TENM2: variants seen among roughly 807,000 people sequenced by gnomAD.
TENM2 encodes teneurin transmembrane protein 2.
A neutral mutation model predicts 245.2 loss-of-function variants in TENM2; 52 were observed. The observed-to-expected ratio is 0.21, with a 90% CI of 0.17 to 0.27. TENM2 has a LOEUF of 0.27. TENM2 is among the 10% of genes least tolerant of loss of function. The pLI is 1.00. For missense variants in TENM2, 3,046 were observed against 3,666.8 expected (o/e 0.83, Z 4.37); for synonymous variants, 1,363 against 1,438.9 (o/e 0.95, Z 1.19).
intron 9 of TENM2, among the ~76,000 whole-genome samples, chr5:168,115,657 G>A (rs904020696): frequency 1.5e-4 from 23 of 152,230 alleles, no homozygotes; most frequent in Non-Finnish European, 2.9e-4. Context: ...TTAAATACAC[G>A]TTGTGCAACC....
chr5:167,020,445 T>C, the TENM2 span, among the ~76,000 whole-genome samples: 67,368 of 152,064 alleles, frequency 0.44, 15,252 homozygotes, highest in Admixed American at 0.56. Flanking sequence ...CATTGTCTAT[T>C]CTGCAACCAT....
the TENM2 span, among the ~76,000 whole-genome samples, chr5:167,014,181 G>T: frequency 1.7e-5 from 2 of 117,408 alleles, no homozygotes; most frequent in African/African-American, 6.3e-5. Flanking sequence ...TTTATAAGAA[G>T]ACCTGGACAG....
intron 6 of TENM2, among the ~76,000 whole-genome samples, chr5:168,060,226 C>T (rs78962886): frequency 1.4e-4 from 19 of 135,366 alleles, no homozygotes; most frequent in African/African-American, 4.5e-4. Context: ...CTTGTCTCTA[C>T]GAAAAAAAAA....
intron 2 of TENM2, among the ~76,000 whole-genome samples, chr5:167,821,528 G>A (rs530462810): frequency 6.6e-6 from 1 of 152,280 alleles, no homozygotes; most frequent in South Asian, 2.1e-4. Context: ...ATGTCCTTTA[G>A]AAACCATCTA....
chr5:167,292,249 G>A (rs1754683676), intron 1 of TENM2, among the ~76,000 whole-genome samples: 2 of 152,118 alleles, frequency 1.3e-5, no homozygotes, highest in Admixed American at 1.3e-4. Flanking sequence ...TTGCTACTGG[G>A]CCTTGGAATA....
the TENM2 span, among the ~76,000 whole-genome samples, chr5:167,246,243 C>T: frequency 2.5e-3 from 387 of 152,200 alleles, 2 homozygotes; most frequent in African/African-American, 8.9e-3. Flanking sequence ...GGATTGTTAT[C>T]ACTGCTACCT....
chr5:167,882,047 A>C (rs1361587353), intron 3 of TENM2, among the ~76,000 whole-genome samples: 7 of 152,190 alleles, frequency 4.6e-5, no homozygotes, highest in Non-Finnish European at 1.0e-4. Context: ...TTTCGGCTTC[A>C]ACCTTAACCT....
intron 2 of TENM2, among the ~76,000 whole-genome samples, chr5:167,690,868 T>C (rs779924075): frequency 2.0e-5 from 3 of 151,958 alleles, no homozygotes; most frequent in Non-Finnish European, 2.9e-5. Context: ...TATATGTATG[T>C]ACGTATATAT....
At chr5:168,136,389 T>C (rs1755045517) in intron 12 of TENM2, among the ~76,000 whole-genome samples, 1 of 152,190 alleles carries the variant, frequency 6.6e-6, no homozygotes, top group African/African-American at 2.4e-5. Flanking sequence ...TTTACAAGCT[T>C]AGTCCCTTCA....
At chr5:167,427,707 C>A (rs1384928141) in intron 2 of TENM2, among the ~76,000 whole-genome samples, 3 of 16,404 alleles carry the variant, frequency 1.8e-4, no homozygotes, top group Admixed American at 8.9e-4. Context: ...AAGGAAGGGA[C>A]GGGAGGGAAG....
At chr5:168,174,333 C>G (rs1581535317) in intron 13 of TENM2, among the ~76,000 whole-genome samples, 1 of 152,178 alleles carries the variant, frequency 6.6e-6, no homozygotes, top group East Asian at 1.9e-4. Context: ...TCCACTTCCT[C>G]AAGATATGAG....
At chr5:166,987,196 G>A in the TENM2 span, among the ~76,000 whole-genome samples, 12 of 152,036 alleles carry the variant, frequency 7.9e-5, no homozygotes, top group East Asian at 1.9e-4. Context: ...ATTGTGTTAC[G>A]GCTACCCTGA....
chr5:167,906,800 T>C (rs1310776670), intron 3 of TENM2, among the ~76,000 whole-genome samples: 1 of 151,960 alleles, frequency 6.6e-6, no homozygotes, highest in Non-Finnish European at 1.5e-5. Context: ...CTACGTTACA[T>C]CCCTTTGATT....
intron 2 of TENM2, among the ~76,000 whole-genome samples, chr5:167,393,083 C>T (rs559062909): frequency 6.7e-6 from 1 of 149,952 alleles, no homozygotes; most frequent in Non-Finnish European, 1.5e-5. Context: ...GATCATGCTA[C>T]TGCACTCCAG....
chr5:167,927,602 G>A (rs1385698154), intron 3 of TENM2, among the ~76,000 whole-genome samples: 1 of 152,162 alleles, frequency 6.6e-6, no homozygotes, highest in Non-Finnish European at 1.5e-5. Flanking sequence ...AGGGCAGGAT[G>A]CCTCCTTGAG....
At chr5:167,978,078 C>T (rs1173075865) in intron 4 of TENM2, among the ~76,000 whole-genome samples, 2 of 152,234 alleles carry the variant, frequency 1.3e-5, no homozygotes, top group Non-Finnish European at 2.9e-5. Flanking sequence ...CCCTTCCCCT[C>T]TGCCATGATT....
intron 7 of TENM2, among the ~76,000 whole-genome samples, chr5:168,077,850 C>A (rs1417723270): frequency 6.6e-6 from 1 of 152,118 alleles, no homozygotes; most frequent in East Asian, 1.9e-4. Flanking sequence ...GGCTTGGTTG[C>A]AAGTCTTTGC....
chr5:168,071,011 G>T (rs1396804573), intron 7 of TENM2, among the ~76,000 whole-genome samples: 2 of 152,138 alleles, frequency 1.3e-5, no homozygotes. Flanking sequence ...AAACTGCTGT[G>T]GAACTGCTGT....
At chr5:167,435,702 T>TA (rs564969384) in intron 2 of TENM2, among the ~76,000 whole-genome samples, 1 of 151,972 alleles carries the variant, frequency 6.6e-6, no homozygotes, top group Non-Finnish European at 1.5e-5. Flanking sequence ...CAGAAGAAGA[T>TA]AAAAAAATGT....
Sources: allele counts gnomAD v4.1 joint callset (sites outside exome capture counted in the v4.1 genomes callset), GRCh38; gene constraint gnomAD v4.1.1; transcripts MANE v1.5; gene names NCBI Gene and HGNC (gene_info 2026-07-23, HGNC 2026-07-21).